Variants in LRCH2 observed in about 807,000 individuals in gnomAD.
The protein encoded by LRCH2 is leucine rich repeats and calponin homology domain containing 2, also known as leucine-rich repeat and calponin homology domain-containing protein 2.
LRCH2 carries 38 observed loss-of-function variants against 68.9 expected under a neutral mutation model. The observed-to-expected ratio is 0.55, with a 90% CI of 0.43 to 0.72. LRCH2 has a LOEUF of 0.72. LRCH2 is among the 30% of genes least tolerant of loss of function. The pLI is 0.00. For synonymous variants in LRCH2, 191 were observed against 208.1 expected, an observed-to-expected ratio of 0.92 and a Z score of 0.71; for missense variants, 528 against 572.9, an observed-to-expected ratio of 0.92 and a Z score of 0.80.
Position 115,184,520 on chromosome X carries a change from G to C in LRCH2, c.512C>G (p.Thr171Arg). The change falls in exon 3 of 21, where the codon ACA becomes AGA. Residue 171 changes from threonine to arginine, a missense_variant. Coordinates refer to ENST00000317135, the MANE Select transcript of LRCH2 (RefSeq NM_020871.4). Reference protein sequence around the residue: ...YLNISRNLLSTLPKYLFDLPL... With the variant: ...YLNISRNLLSRLPKYLFDLPL... Reference sequence around the variant, plus strand: ...AAGATCAAATAGGTATTTTGGCAATGTTGATAAAAGATTTCGGCTGAAAAG... The same window carrying C: ...AAGATCAAATAGGTATTTTGGCAATCTTGATAAAAGATTTCGGCTGAAAAG... The C allele has an allele frequency of 8.6e-7, 1 of 1,169,088 alleles. No individual in the cohort carries two copies. The highest frequency in any genetic ancestry group is 1.1e-6 in the Non-Finnish European group (1 of 875,685).
intron 5 of LRCH2, among the ~76,000 whole-genome samples, chrX:115,176,891 C>T (rs782755572): frequency 2.2e-4 from 24 of 106,681 alleles, no homozygotes; most frequent in African/African-American, 7.2e-4. Context: ...AGACTACAGG[C>T]GCGTGCCACC....
intron 1 of LRCH2, among the ~76,000 whole-genome samples, chrX:115,208,486 C>A (rs1158940249): frequency 9.0e-6 from 1 of 111,237 alleles, no homozygotes; most frequent in African/African-American, 3.3e-5. Context: ...TCTTAAGTAA[C>A]CCAATCTAAA....
intron 5 of LRCH2, among the ~76,000 whole-genome samples, chrX:115,173,547 G>A (rs181197501): frequency 2.5e-3 from 280 of 111,552 alleles, no homozygotes; most frequent in African/African-American, 8.4e-3. Context: ...GACTTCAGCT[G>A]AACTTTTTAC....
intron 14 of LRCH2, among the ~76,000 whole-genome samples, chrX:115,139,995 C>T (rs1316952427): frequency 1.8e-5 from 2 of 111,451 alleles, no homozygotes; most frequent in Non-Finnish European, 3.8e-5. Flanking sequence ...ACTAGGGTGG[C>T]ATGTGACTTA....
At chrX:115,116,872 C>A (rs1290080751) in intron 20 of LRCH2, among the ~76,000 whole-genome samples, 1 of 110,488 alleles carries the variant, frequency 9.1e-6, no homozygotes, top group Admixed American at 9.7e-5. Flanking sequence ...TTGGATTATA[C>A]GAAGATTTCC....
rs1220049932 is a variant in LRCH2 at position 115,113,106 on chromosome X, G to A, written c.*110C>T. 12 of 711,590 alleles carry A rather than the reference G, an allele frequency of 1.7e-5. No individual in the cohort carries two copies. Among genetic ancestry groups the A allele is most frequent in the Non-Finnish European group, 2.1e-5 (11 of 524,025 alleles). The allele number at this position is 711,590 out of a possible 1,213,427, so 58.6% of individuals were successfully genotyped here. ...TGTAATTTTTTTAAAATCCTAAGGC[G>A]TGACCTAAGGCAAACTATTTTTGAC... On this transcript the variant is annotated 3_prime_UTR_variant, in exon 21 of 21. Transcript: ENST00000317135.
chrX:115,172,123 C>A (rs1271593774), intron 5 of LRCH2, among the ~76,000 whole-genome samples: 8 of 111,493 alleles, frequency 7.2e-5, no homozygotes, highest in African/African-American at 2.6e-4. Context: ...ATTGGAGTAT[C>A]ACTAAGGAAG....
intron 1 of LRCH2, among the ~76,000 whole-genome samples, chrX:115,231,749 A>C (rs1569518397): frequency 8.9e-6 from 1 of 112,279 alleles, no homozygotes; most frequent in Non-Finnish European, 1.9e-5. Context: ...AAATATTATC[A>C]AATACAATAA....
intron 17 of LRCH2, among the ~76,000 whole-genome samples, chrX:115,123,477 T>C (rs1556526702): frequency 8.9e-6 from 1 of 112,219 alleles, no homozygotes; most frequent in Non-Finnish European, 1.9e-5. Context: ...TGAACATATG[T>C]CAGCCTTTTA....
chrX:115,173,423 G>A (rs782022945), intron 5 of LRCH2, among the ~76,000 whole-genome samples: 2 of 111,814 alleles, frequency 1.8e-5, no homozygotes, highest in South Asian at 3.7e-4. Context: ...TGCACTCACA[G>A]ATGATAAAAG....
chrX:115,123,735 C>T (rs183417884), intron 17 of LRCH2, among the ~76,000 whole-genome samples: 5 of 110,818 alleles, frequency 4.5e-5, no homozygotes, highest in African/African-American at 1.6e-4. Flanking sequence ...ATATCTAAGG[C>T]AAAAAGCTGA....
At chrX:115,147,346 T>C (rs2072394138) in intron 14 of LRCH2, among the ~76,000 whole-genome samples, 1 of 111,561 alleles carries the variant, frequency 9.0e-6, no homozygotes. Context: ...GTATGTCAGT[T>C]TTATATTTTC....
At chrX:115,220,891 G>A (rs1330815185) in intron 1 of LRCH2, among the ~76,000 whole-genome samples, 2 of 110,200 alleles carry the variant, frequency 1.8e-5, no homozygotes, top group African/African-American at 6.6e-5. Context: ...CATAGTATAA[G>A]AATATATAAA....
chrX:115,197,375 G>A (rs180722362), intron 1 of LRCH2, among the ~76,000 whole-genome samples: 2 of 111,639 alleles, frequency 1.8e-5, no homozygotes, highest in African/African-American at 6.5e-5. Flanking sequence ...AGATGCCAGA[G>A]AAATCTAAAA....
intron 1 of LRCH2, chrX:115,190,329 C>G (rs1673770346): frequency 3.5e-6 from 4 of 1,158,008 alleles, no homozygotes; most frequent in Non-Finnish European, 4.6e-6. Flanking sequence ...ATCATCCCAG[C>G]AAAGGCTCCT....
Position 115,166,279 on chromosome X carries a change from T to C in LRCH2, c.1062A>G (p.Gly354=). ...CTTCTGTTGTGGATAATCGTTTCTC[T>C]CCATTATCACTTCCAATTCCAGAGT... ...GPDSGIGSDN[G]EKRLSTTEPS... The change falls in exon 7 of 21, where the codon GGA becomes GGG. Residue 354 remains glycine, a synonymous_variant. Coordinates refer to ENST00000317135, the MANE Select transcript of LRCH2 (RefSeq NM_020871.4). 8.4e-7 allele frequency: 1 copy of C among 1,192,882 alleles called. No individual in the cohort carries two copies. Among genetic ancestry groups the C allele is most frequent in the Non-Finnish European group, 1.1e-6 (1 of 880,869 alleles).
intron 1 of LRCH2, among the ~76,000 whole-genome samples, chrX:115,230,255 G>C (rs138669461): frequency 2.5e-3 from 277 of 111,271 alleles, no homozygotes; most frequent in African/African-American, 8.3e-3. Flanking sequence ...CCAACTTTCT[G>C]ATCACTGTTT....
At chrX:115,162,791 C>T (rs1257912513) in intron 11 of LRCH2, among the ~76,000 whole-genome samples, 1 of 111,070 alleles carries the variant, frequency 9.0e-6, no homozygotes, top group Non-Finnish European at 1.9e-5. Flanking sequence ...TCATATTAAC[C>T]ATAAACATTT....
intron 1 of LRCH2, among the ~76,000 whole-genome samples, chrX:115,217,750 G>A (rs782646276): frequency 1.1e-4 from 12 of 111,622 alleles, no homozygotes; most frequent in African/African-American, 3.9e-4. Flanking sequence ...ACCCAGTAAT[G>A]GGATTGCTGG....
Sources: gnomAD v4.1 joint callset for allele counts (sites outside exome capture counted in the v4.1 genomes callset) on GRCh38, gnomAD v4.1.1 for gene constraint, MANE v1.5 for transcripts, NCBI Gene and HGNC (gene_info 2026-07-23, HGNC 2026-07-21) for gene names.